The following KCNH1 variants were observed in gnomAD, a reference collection of about 807,000 sequenced individuals.
The protein encoded by KCNH1 is potassium voltage-gated channel subfamily H member 1, also known as voltage-gated delayed rectifier potassium channel KCNH1.
A neutral mutation model predicts 69.2 loss-of-function variants in KCNH1; 27 were observed. The ratio of observed to expected loss-of-function variants is 0.39; its 90% confidence interval spans 0.29 to 0.54. The LOEUF (loss-of-function observed/expected upper bound fraction) is 0.54. Ranked by LOEUF, KCNH1 falls within the 20% of genes least tolerant of loss-of-function variation. KCNH1 has a pLI of 0.68. For missense variants in KCNH1, 798 were observed against 1,261.6 expected (o/e 0.63, Z 5.57); for synonymous variants, 456 against 487.7 (o/e 0.93, Z 0.86).
rs1293651237 is a variant in KCNH1 at position 210,917,289 on chromosome 1, G to GA, written c.1462+2350dup. Among the ~76,000 whole-genome samples the GA allele has an allele frequency of 1.1e-3, 160 of 146,708 alleles. 5 individuals carry two copies. The East Asian group carries it at 0.03, about 27-fold the overall frequency. ...AAAGAAAGAAAGAAAGAAAAGAAAA[G>GA]AAAGAGAAACACAGAGAGAGAGAGA... On this transcript the variant is annotated intron_variant, in intron 7 of 10. Coordinates refer to ENST00000271751, the MANE Select transcript of KCNH1 (RefSeq NM_172362.3).
chr1:210,860,603 T>G lies in KCNH1; in HGVS notation c.1463-56437A>C, dbSNP rs1685956540. On this transcript the variant is annotated intron_variant, in intron 7 of 10. Transcript: ENST00000271751. ...TCACAGATCATTTTCTGAATTACAT[T>G]GGTAAGGTCATCATTTTCTGTTTCT... is the stretch of plus-strand genomic sequence containing the variant. The G allele has an allele frequency of 6.0e-6, 5 of 826,554 alleles. No individual in the cohort carries two copies. The Admixed American group carries it at 6.8e-5, about 11-fold the overall frequency. 51.2% of individuals were successfully genotyped at this position (826,554 alleles called of 1,614,324 possible). A position where few individuals can be genotyped will look rare whatever the true frequency, so the allele number is the denominator to read the frequency against.
chr1:211,107,285 C>T lies in KCNH1; in HGVS notation c.172G>A (p.Ala58Thr). The change falls in exon 2 of 11, where the codon GCA becomes ACA. Residue 58 changes from alanine (A) to threonine (T), a missense_variant. Ala to Thr is a moderately conservative substitution (Grantham distance 58). This residue lies in a region of KCNH1 where 266 missense variants were observed against 457.2 expected (regional missense o/e 0.58). Coordinates refer to ENST00000271751, the MANE Select transcript of KCNH1 (RefSeq NM_172362.3). ...GFCKLSGYHRAEVMQKSSTCS... is the reference protein window; with the variant it reads ...GFCKLSGYHRTEVMQKSSTCS... ...GTGCTGCTTTTTTGCATCACTTCTG[C>T]CCTGTGATAGCCAGACAGCTTGCAA... The T allele has an allele frequency of 6.2e-7, 1 of 1,613,792 alleles. No homozygotes were observed. The highest frequency in any genetic ancestry group is 8.5e-7 in the Non-Finnish European group (1 of 1,179,898).
intron 1 of KCNH1, among the ~76,000 whole-genome samples, chr1:211,126,441 C>T (rs902022920): frequency 7.9e-5 from 12 of 150,974 alleles, no homozygotes; most frequent in South Asian, 4.2e-4. Context: ...ACCCGGGAGG[C>T]GAAGCTTGCA....
chr1:211,005,151 T>C (rs1036794590), intron 6 of KCNH1, among the ~76,000 whole-genome samples: 3 of 152,084 alleles, frequency 2.0e-5, no homozygotes, highest in Admixed American at 1.3e-4. Context: ...TTATGAACAA[T>C]TGTATATCAG....
At chr1:211,076,778 T>C (rs969411114) in intron 5 of KCNH1, among the ~76,000 whole-genome samples, 1 of 152,186 alleles carries the variant, frequency 6.6e-6, no homozygotes, top group Non-Finnish European at 1.5e-5. Context: ...CTGACAGAAG[T>C]AGGCTTCAGA....
Position 210,809,895 on chromosome 1 carries a change from C to G in KCNH1, c.1463-5729G>C, listed in dbSNP as rs946804094. Among the ~76,000 whole-genome samples, 906 of 152,198 alleles carry G rather than the reference C, an allele frequency of 6.0e-3. 13 individuals are homozygous for G. The highest frequency in any genetic ancestry group is 0.021 in the African/African-American group (879 of 41,522). On this transcript the variant is annotated intron_variant, in intron 7 of 10. Transcript: ENST00000271751. ...CTATTATGGCCAGGAACTCAGTTTCCAAGGCTTCTCTGAAGTCCCCTTGGC... is the reference window on the plus strand; with the variant it reads ...CTATTATGGCCAGGAACTCAGTTTCGAAGGCTTCTCTGAAGTCCCCTTGGC...
chr1:210,758,577 A>AAG (rs1432302852), intron 10 of KCNH1, among the ~76,000 whole-genome samples: 1 of 152,182 alleles, frequency 6.6e-6, no homozygotes, highest in Non-Finnish European at 1.5e-5. Context: ...TCTACCCTTA[A>AAG]AGAAGGGAGA....
intron 7 of KCNH1, among the ~76,000 whole-genome samples, chr1:210,856,859 CTA>C: frequency 1.3e-5 from 1 of 78,406 alleles, no homozygotes; most frequent in African/African-American, 4.3e-5. Flanking sequence ...ATGTAACCCA[CTA>C]TATATATATA....
intron 7 of KCNH1, among the ~76,000 whole-genome samples, chr1:210,839,756 G>C (rs912801617): frequency 1.3e-5 from 2 of 152,098 alleles, no homozygotes; most frequent in Admixed American, 6.6e-5. Context: ...TACTCTACTC[G>C]ATTTCATTTA....
intron 7 of KCNH1, among the ~76,000 whole-genome samples, chr1:210,894,640 C>T (rs772388521): frequency 6.6e-6 from 1 of 152,146 alleles, no homozygotes; most frequent in Non-Finnish European, 1.5e-5. Context: ...TCTGCCCTCA[C>T]GAATGGATTG....
At chr1:210,754,170 CG>C (rs1279439272) in intron 10 of KCNH1, among the ~76,000 whole-genome samples, 1 of 152,000 alleles carries the variant, frequency 6.6e-6, no homozygotes, top group African/African-American at 2.4e-5. Flanking sequence ...CCACCCACCT[CG>C]GCCTCCCAAA....
chr1:210,980,914 T>C (rs1199434831), intron 6 of KCNH1, among the ~76,000 whole-genome samples: 1 of 152,130 alleles, frequency 6.6e-6, no homozygotes, highest in Non-Finnish European at 1.5e-5. Flanking sequence ...ATACTGAGGC[T>C]TAGTTACAGA....
chr1:210,690,792 C>T (rs1000884605), intron 10 of KCNH1, among the ~76,000 whole-genome samples: 1 of 152,216 alleles, frequency 6.6e-6, no homozygotes, highest in East Asian at 1.9e-4. Flanking sequence ...GCCTGTTCGG[C>T]TAAGGCTGTG....
chr1:210,839,906 G>A (rs1054130850), intron 7 of KCNH1, among the ~76,000 whole-genome samples: 2 of 152,070 alleles, frequency 1.3e-5, no homozygotes, highest in African/African-American at 4.8e-5. Flanking sequence ...ATCACCTGAC[G>A]GTCTGTCTAA....
chr1:210,883,491 C>T (rs1686539857), intron 7 of KCNH1, among the ~76,000 whole-genome samples: 1 of 152,196 alleles, frequency 6.6e-6, no homozygotes, highest in African/African-American at 2.4e-5. Flanking sequence ...CAATTTGCTT[C>T]ATGTCCTGTT....
Position 210,718,647 on chromosome 1 carries a change from T to TAC in KCNH1, c.2113-34510_2113-34509insGT, listed in dbSNP as rs1415284142. 5.7e-5 allele frequency among the ~76,000 whole-genome samples: 4 copies of TAC among 70,452 alleles called. 1 individual carries two copies. The highest frequency in any genetic ancestry group is 4.1e-4 in the South Asian group (1 of 2,434). The allele number at this position is 70,452 out of a possible 152,430, so 46.2% of individuals were successfully genotyped here. Reference sequence around the variant, plus strand: ...GTGTATAAATATATATATACATATATATATACACACACACACACACACACA... The same window carrying TAC: ...GTGTATAAATATATATATACATATATACATATACACACACACACACACACACA... On this transcript the variant is annotated intron_variant, in intron 10 of 10. Coordinates refer to ENST00000271751, the MANE Select transcript of KCNH1 (RefSeq NM_172362.3).
chr1:211,063,320 G>A (rs1050322757), intron 5 of KCNH1: 12 of 152,182 alleles, frequency 7.9e-5, no homozygotes, highest in African/African-American at 2.7e-4. Flanking sequence ...AGTGGTGGCA[G>A]GCTGGGTGGA....
chr1:210,859,709 G>A (rs1386173565), intron 7 of KCNH1: 2 of 1,219,618 alleles, frequency 1.6e-6, no homozygotes, highest in South Asian at 1.2e-5. Context: ...GGCAAAATCT[G>A]TCCAGAAACC....
intron 7 of KCNH1, among the ~76,000 whole-genome samples, chr1:210,821,860 G>A (rs1242334776): frequency 1.3e-5 from 2 of 149,664 alleles, no homozygotes; most frequent in Admixed American, 1.3e-4. Context: ...TTAAAGAGAT[G>A]GGGTCTTACT....
Sources: allele counts gnomAD v4.1 joint callset (sites outside exome capture counted in the v4.1 genomes callset), GRCh38; gene constraint gnomAD v4.1.1; regional missense constraint gnomAD v4.1.1; transcripts MANE v1.5; gene names NCBI Gene and HGNC (gene_info 2026-07-23, HGNC 2026-07-21).